Variants in QTMAN observed in about 807,000 individuals in gnomAD.
QTMAN encodes the protein tRNA-queuosine alpha-mannosyltransferase.
chr2:144,124,297 T>C, the QTMAN span, among the ~76,000 whole-genome samples: 1 of 152,198 alleles, frequency 6.6e-6, no homozygotes, highest in Non-Finnish European at 1.5e-5. Context: ...GTTTAACTTA[T>C]GGTGTCATCA....
the QTMAN span, among the ~76,000 whole-genome samples, chr2:144,030,208 A>G: frequency 6.6e-6 from 1 of 152,158 alleles, no homozygotes; most frequent in Non-Finnish European, 1.5e-5. Context: ...TTCTCTCCTA[A>G]TTCCACCCTA....
the QTMAN span, among the ~76,000 whole-genome samples, chr2:144,301,698 G>A: frequency 1.3e-5 from 2 of 152,276 alleles, no homozygotes; most frequent in Non-Finnish European, 2.9e-5. Context: ...CTTTTTAAAA[G>A]CACATCCACT....
chr2:144,054,273 C>A, the QTMAN span, among the ~76,000 whole-genome samples: 1 of 152,144 alleles, frequency 6.6e-6, no homozygotes, highest in African/African-American at 2.4e-5. Flanking sequence ...GAATAATAAT[C>A]TGAAGACAGC....
At chr2:143,957,429 A>G in the QTMAN span, 3 of 701,558 alleles carry the variant, frequency 4.3e-6, no homozygotes, top group Non-Finnish European at 6.3e-6. Flanking sequence ...AGTTCAGGTT[A>G]ATTAGCTGCT....
chr2:144,015,674 G>A, the QTMAN span, among the ~76,000 whole-genome samples: 57 of 152,266 alleles, frequency 3.7e-4, no homozygotes, highest in Non-Finnish European at 1.8e-4. Context: ...CACAAATGGG[G>A]TATGTTCAGG....
At chr2:144,285,476 G>T in the QTMAN span, among the ~76,000 whole-genome samples, 1 of 152,164 alleles carries the variant, frequency 6.6e-6, no homozygotes, top group Non-Finnish European at 1.5e-5. Flanking sequence ...CTTTGTAGAT[G>T]AGTGAACTCA....
At chr2:144,292,813 T>C in the QTMAN span, among the ~76,000 whole-genome samples, 3 of 152,190 alleles carry the variant, frequency 2.0e-5, no homozygotes, top group African/African-American at 7.2e-5. Flanking sequence ...GGGAATAATA[T>C]GATTTTAATA....
chr2:144,025,815 C>T, the QTMAN span, among the ~76,000 whole-genome samples: 3 of 152,184 alleles, frequency 2.0e-5, no homozygotes, highest in Non-Finnish European at 2.9e-5. Context: ...TCTCTCATCC[C>T]TCCTCCCAGT....
the QTMAN span, among the ~76,000 whole-genome samples, chr2:144,223,701 A>T: frequency 3.3e-5 from 5 of 152,232 alleles, no homozygotes; most frequent in African/African-American, 1.2e-4. Context: ...CATAAAATAC[A>T]GTAAAAAATA....
chr2:144,306,350 G>C, the QTMAN span, among the ~76,000 whole-genome samples: 6 of 152,148 alleles, frequency 3.9e-5, no homozygotes, highest in African/African-American at 1.4e-4. Context: ...ATACGATATA[G>C]ACTGGGTGGC....
the QTMAN span, among the ~76,000 whole-genome samples, chr2:144,013,548 G>T: frequency 1.3e-5 from 2 of 152,124 alleles, no homozygotes; most frequent in African/African-American, 2.4e-5. Flanking sequence ...ACAAAAGGAC[G>T]TCTAAAAGAA....
chr2:144,172,213 T>C, the QTMAN span, among the ~76,000 whole-genome samples: 1 of 152,168 alleles, frequency 6.6e-6, no homozygotes, highest in Non-Finnish European at 1.5e-5. Flanking sequence ...ATAATTTAAA[T>C]TGCTTAAATT....
the QTMAN span, among the ~76,000 whole-genome samples, chr2:144,327,075 C>T: frequency 6.6e-6 from 1 of 152,152 alleles, no homozygotes. Flanking sequence ...CCCCAACCCA[C>T]AGAGGATCCC....
the QTMAN span, among the ~76,000 whole-genome samples, chr2:144,323,294 C>T: frequency 7.2e-5 from 11 of 152,310 alleles, no homozygotes; most frequent in Middle Eastern, 6.8e-3. Flanking sequence ...TATCTCATCA[C>T]AGCAAATATT....
At chr2:144,290,166 C>T in the QTMAN span, among the ~76,000 whole-genome samples, 1 of 151,874 alleles carries the variant, frequency 6.6e-6, no homozygotes. Flanking sequence ...CACAGAGTCA[C>T]TCTGAACCTA....
At chr2:144,270,176 C>A in the QTMAN span, among the ~76,000 whole-genome samples, 1 of 152,018 alleles carries the variant, frequency 6.6e-6, no homozygotes, top group African/African-American at 2.4e-5. Context: ...GGTGGTCTAC[C>A]AGAAATAGGA....
the QTMAN span, among the ~76,000 whole-genome samples, chr2:144,286,713 A>G: frequency 6.6e-6 from 1 of 152,188 alleles, no homozygotes; most frequent in Non-Finnish European, 1.5e-5. Flanking sequence ...TATTTCCACA[A>G]AATATTTTAA....
chr2:143,953,771 A>G, the QTMAN span, among the ~76,000 whole-genome samples: 2 of 151,938 alleles, frequency 1.3e-5, no homozygotes, highest in African/African-American at 4.8e-5. Context: ...TTTGAATTGC[A>G]TCCAAAATGT....
At chr2:144,305,234 T>C in the QTMAN span, among the ~76,000 whole-genome samples, 1 of 152,342 alleles carries the variant, frequency 6.6e-6, no homozygotes, top group East Asian at 1.9e-4. Flanking sequence ...TAGTTTTAGT[T>C]CTTTCATTTG....
Sources: gnomAD v4.1 joint callset for allele counts (sites outside exome capture counted in the v4.1 genomes callset) on GRCh38, gnomAD v4.1.1 for gene constraint, MANE v1.5 for transcripts, NCBI Gene and HGNC (gene_info 2026-07-23, HGNC 2026-07-21) for gene names.